The following ZPLD1 variants were observed in gnomAD, a reference collection of about 807,000 sequenced individuals.
ZPLD1 encodes zona pellucida like domain containing 1, also known as zona pellucida-like domain-containing protein 1.
In ZPLD1, 34 loss-of-function variants were observed where a neutral mutation model predicts 47.2. That is an observed-to-expected ratio of 0.72 (90% CI 0.55 to 0.96). The LOEUF (loss-of-function observed/expected upper bound fraction) is 0.96, where lower values mean the gene tolerates loss of function less well. ZPLD1 is among the 40% of genes least tolerant of loss of function. The probability of loss-of-function intolerance (pLI) is 0.00; values close to 1 mark genes in which losing one functional copy is unlikely to be tolerated. For missense variants in ZPLD1, 512 were observed against 505.8 expected (o/e 1.01, Z -0.12); for synonymous variants, 176 against 186.2 (o/e 0.95, Z 0.45).
chr3:102,412,804 T>A (rs887763982), intron 7 of ZPLD1, among the ~76,000 whole-genome samples: 1 of 151,608 alleles, frequency 6.6e-6, no homozygotes, highest in African/African-American at 2.4e-5. Context: ...GACATATGTA[T>A]ATATCCCTAT....
At chr3:102,474,214 G>A (rs1707725023) in intron 10 of ZPLD1, among the ~76,000 whole-genome samples, 1 of 152,156 alleles carries the variant, frequency 6.6e-6, no homozygotes, top group South Asian at 2.1e-4. Flanking sequence ...AATGCTGAAA[G>A]TGCTTGGATA....
At chr3:102,450,662 T>G (rs1707324464) in intron 3 of ZPLD1, among the ~76,000 whole-genome samples, 1 of 152,070 alleles carries the variant, frequency 6.6e-6, no homozygotes, top group African/African-American at 2.4e-5. Context: ...GATTAATATA[T>G]TAACAGCTGT....
In ZPLD1 at chr3:102,458,023, A is replaced by G. The variant is rs147903020; in HGVS notation, c.582+170A>G. Among the ~76,000 whole-genome samples, 4 of 152,332 alleles carry G rather than the reference A, an allele frequency of 2.6e-5. No individual in the cohort carries two copies. In the East Asian group the frequency reaches 7.7e-4, roughly 29 times the overall value. ...TCATATATCTTAGTGATAAAGGTAT[A>G]ATAATATCTCCATTAAATTTTCTAA... On this transcript the variant is annotated intron_variant, in intron 6 of 11. Coordinates refer to ENST00000466937, the MANE Select transcript of ZPLD1 (RefSeq NM_001329788.2).
chr3:102,421,553 CTT>C (rs1706880070), intron 8 of ZPLD1, among the ~76,000 whole-genome samples: 2 of 151,766 alleles, frequency 1.3e-5, no homozygotes. Context: ...TTAGAAATCT[CTT>C]GAATAAATAT....
chr3:102,453,008 A>G lies in ZPLD1; in HGVS notation c.196A>G (p.Thr66Ala). 7 of 1,614,144 alleles carry G rather than the reference A, an allele frequency of 4.3e-6. No homozygotes were observed. The South Asian group carries it at 5.5e-5, about 13-fold the overall frequency. Residue 66 changes from threonine to alanine, a missense_variant, in exon 4 of 12, where the codon ACA (threonine) becomes GCA (alanine). Coordinates refer to ENST00000466937, the MANE Select transcript of ZPLD1 (RefSeq NM_001329788.2). ...CTVLFSGYSETDLALNGRHGD... is the reference protein window; with the variant it reads ...CTVLFSGYSEADLALNGRHGD... ...GGTACTTTTCTCGGGTTATTCGGAAACAGATCTGGCACTGAATGGAAGGCA... is the reference window on the plus strand; with the variant it reads ...GGTACTTTTCTCGGGTTATTCGGAAGCAGATCTGGCACTGAATGGAAGGCA...
At chr3:102,476,606 C>T (rs1483418382) in intron 10 of ZPLD1, among the ~76,000 whole-genome samples, 1 of 151,936 alleles carries the variant, frequency 6.6e-6, no homozygotes, top group Non-Finnish European at 1.5e-5. Flanking sequence ...TTCCGTATAA[C>T]AGAATAACAA....
At chr3:102,415,975 C>T (rs1036649887) in intron 7 of ZPLD1, among the ~76,000 whole-genome samples, 4 of 151,884 alleles carry the variant, frequency 2.6e-5, no homozygotes, top group Non-Finnish European at 4.4e-5. Context: ...CAGCTTTCCA[C>T]TTCTGGTGCT....
intron 7 of ZPLD1, among the ~76,000 whole-genome samples, chr3:102,406,966 C>A (rs1046737227): frequency 6.6e-6 from 1 of 151,770 alleles, no homozygotes; most frequent in Non-Finnish European, 1.5e-5. Flanking sequence ...TGAAAGTTAT[C>A]ATTTTTGAAG....
chr3:102,429,426 G>A (rs761724729), intron 8 of ZPLD1, among the ~76,000 whole-genome samples: 104 of 152,212 alleles, frequency 6.8e-4, no homozygotes, highest in Admixed American at 9.2e-4. Context: ...GTTATCTGAC[G>A]AGGGGGAATT....
At chr3:102,441,300 A>G (rs1707174032) in intron 3 of ZPLD1, among the ~76,000 whole-genome samples, 2 of 152,324 alleles carry the variant, frequency 1.3e-5, no homozygotes, top group East Asian at 3.9e-4. Context: ...ATCATGTTAA[A>G]AAGTCTGTTT....
chr3:102,392,713 C>G (rs1405468107), intron 7 of ZPLD1, among the ~76,000 whole-genome samples: 1 of 152,100 alleles, frequency 6.6e-6, no homozygotes, highest in African/African-American at 2.4e-5. Context: ...ATCTAATTAC[C>G]TGTTAAAGGT....
At chr3:102,424,063 T>G (rs1182164484) in intron 8 of ZPLD1, among the ~76,000 whole-genome samples, 1 of 152,140 alleles carries the variant, frequency 6.6e-6, no homozygotes, top group Non-Finnish European at 1.5e-5. Context: ...TGTTTACAAA[T>G]AGTCATTAAT....
In ZPLD1 at chr3:102,437,424, A is replaced by G. The variant is rs554987057; in HGVS notation, c.-9+451A>G. On this transcript the variant is annotated intron_variant, in intron 2 of 11. Coordinates refer to ENST00000466937, the MANE Select transcript of ZPLD1 (RefSeq NM_001329788.2). ...CTTCCTTTTCCTAAAGACTTGATTA[A>G]TTATCTAAGGGTAGATTTTTAAGGA... 3.3e-5 allele frequency among the ~76,000 whole-genome samples: 5 copies of G among 152,312 alleles called. No homozygotes were observed. The South Asian group carries it at 8.3e-4, about 25-fold the overall frequency.
At position 102,438,502 on chromosome 3, in the gene ZPLD1, GT is replaced by G; in HGVS notation, c.17del (p.Leu6CysfsTer5). The G allele has an allele frequency of 1.2e-6, 2 of 1,613,854 alleles. No homozygotes were observed. Among genetic ancestry groups the G allele is most frequent in the Non-Finnish European group, 8.5e-7 (1 of 1,179,780 alleles). ...CAGGTTTTGCAATGGAACAAATATG[GT>G]TGCTGCTGCTTCTAACAATTAGAGT... MEQIW[L>X]LLLLTIRVLP... On this transcript the variant is annotated frameshift_variant, in exon 3 of 12. Transcript: ENST00000466937. LOFTEE classifies it high-confidence loss of function.
intron 7 of ZPLD1, among the ~76,000 whole-genome samples, chr3:102,393,689 G>A (rs915951873): frequency 8.6e-5 from 13 of 151,762 alleles, no homozygotes; most frequent in African/African-American, 2.9e-4. Context: ...AGGTTTGAAA[G>A]CTAGTTTTGA....
chr3:102,447,093 G>T (rs1284854355), intron 3 of ZPLD1, among the ~76,000 whole-genome samples: 1 of 151,990 alleles, frequency 6.6e-6, no homozygotes. Context: ...TTGAGACAGA[G>T]TCTCGCTCTG....
chr3:102,402,768 G>T (rs557182674), intron 7 of ZPLD1, among the ~76,000 whole-genome samples: 1 of 152,092 alleles, frequency 6.6e-6, no homozygotes, highest in East Asian at 1.9e-4. Context: ...GTTTCCTTCA[G>T]GTAGGGCTGT....
chr3:102,447,367 C>T (rs956842194), intron 3 of ZPLD1, among the ~76,000 whole-genome samples: 19 of 152,104 alleles, frequency 1.2e-4, no homozygotes, highest in Admixed American at 1.2e-3. Context: ...CCTGGCCTCC[C>T]CATCCTTTTT....
intron 6 of ZPLD1, among the ~76,000 whole-genome samples, chr3:102,385,858 A>G (rs995199763): frequency 1.3e-5 from 2 of 152,208 alleles, no homozygotes. Context: ...GGCCATGAGC[A>G]TACACTTAAA....
Sources: gnomAD v4.1 joint callset for allele counts (sites outside exome capture counted in the v4.1 genomes callset) on GRCh38, gnomAD v4.1.1 for gene constraint, MANE v1.5 for transcripts, NCBI Gene and HGNC (gene_info 2026-07-23, HGNC 2026-07-21) for gene names.